CACNA2D1: variants seen among roughly 807,000 people sequenced by gnomAD.
CACNA2D1 encodes voltage-dependent calcium channel subunit alpha-2/delta-1.
In CACNA2D1, 53 loss-of-function variants were observed where a neutral mutation model predicts 171.5. The ratio of observed to expected loss-of-function variants is 0.31; its 90% CI spans 0.25 to 0.39. CACNA2D1 has a LOEUF of 0.39. Among genes scored for constraint, CACNA2D1 ranks in the 10% least tolerant of loss-of-function variants. The pLI, the probability that CACNA2D1 is intolerant of heterozygous loss-of-function variation, is 1.00. For synonymous variants in CACNA2D1, 442 were observed against 443.1 expected (o/e 1.00, Z 0.03); for missense variants, 903 against 1,299.8 (o/e 0.69, Z 4.69).
At chr7:81,960,854 C>A (rs1288681140) in intron 36 of CACNA2D1, among the ~76,000 whole-genome samples, 1 of 152,028 alleles carries the variant, frequency 6.6e-6, no homozygotes, top group Non-Finnish European at 1.5e-5. Context: ...ATGCTAATCT[C>A]CTCTAAACAA....
At chr7:82,422,978 T>G (rs1828853926) in intron 1 of CACNA2D1, among the ~76,000 whole-genome samples, 1 of 152,122 alleles carries the variant, frequency 6.6e-6, no homozygotes, top group African/African-American at 2.4e-5. Context: ...GCTCTGCAAT[T>G]CTCACTATTT....
intron 12 of CACNA2D1, among the ~76,000 whole-genome samples, chr7:82,025,026 C>G (rs1393078158): frequency 1.3e-5 from 2 of 151,592 alleles, no homozygotes; most frequent in Non-Finnish European, 3.0e-5. Context: ...TAGTGCCCTA[C>G]TGTTTTGATT....
At chr7:82,405,994 C>T (rs1826992023) in intron 1 of CACNA2D1, among the ~76,000 whole-genome samples, 1 of 152,044 alleles carries the variant, frequency 6.6e-6, no homozygotes, top group Admixed American at 6.6e-5. Context: ...CACCCATTAA[C>T]TCGTCATTTA....
chr7:82,349,503 A>G, intron 2 of CACNA2D1, 65 bp downstream of exon 2: 1 of 1,235,140 alleles, frequency 8.1e-7, no homozygotes, highest in East Asian at 2.3e-5. Context: ...ACAGTTTCCT[A>G]GAAGATAGAA....
At chr7:82,433,153 A>G (rs1184230621) in intron 1 of CACNA2D1, among the ~76,000 whole-genome samples, 3 of 151,656 alleles carry the variant, frequency 2.0e-5, no homozygotes, top group Non-Finnish European at 4.4e-5. Context: ...ACACCACTGC[A>G]CTCCAGCCTG....
chr7:82,253,636 C>T (rs180901147), intron 3 of CACNA2D1, among the ~76,000 whole-genome samples: 397 of 152,258 alleles, frequency 2.6e-3, no homozygotes, highest in South Asian at 0.015. Context: ...TGTTAATGAT[C>T]TTTCATGTTA....
intron 1 of CACNA2D1, among the ~76,000 whole-genome samples, chr7:82,409,620 T>TC (rs1326482220): frequency 1.3e-5 from 2 of 152,176 alleles, no homozygotes; most frequent in Non-Finnish European, 2.9e-5. Context: ...TTTTTTAAAT[T>TC]CCCCAGGCGA....
At position 81,973,210 on chromosome 7, in the gene CACNA2D1, C is replaced by G. The variant is rs1170729767; in HGVS notation, c.2053+1245G>C. Among the ~76,000 whole-genome samples the G allele has an allele frequency of 3.9e-5, 6 of 152,040 alleles. No homozygotes were observed. In the East Asian group the frequency reaches 5.8e-4, roughly 15 times the overall value. ...CATTCAACAATCTTATTACAGTTCT[C>G]TCTTGGAAATGCCTAGTACTCATTA... On this transcript the variant is annotated intron_variant, in intron 25 of 38. Transcript: ENST00000356860.
At chr7:82,442,320 T>C (rs554027814) in intron 1 of CACNA2D1, among the ~76,000 whole-genome samples, 1 of 152,326 alleles carries the variant, frequency 6.6e-6, no homozygotes. Context: ...AAAGCTACCT[T>C]GGGCTTTGTT....
At chr7:82,029,602 A>G (rs1331492814) in intron 12 of CACNA2D1, 2 of 151,776 alleles carry the variant, frequency 1.3e-5, no homozygotes, top group East Asian at 3.9e-4. Flanking sequence ...CTTCTCAACC[A>G]TCTGTTGGCT....
At chr7:82,373,799 TA>T (rs1007157339) in intron 1 of CACNA2D1, among the ~76,000 whole-genome samples, 1 of 152,234 alleles carries the variant, frequency 6.6e-6, no homozygotes, top group African/African-American at 2.4e-5. Flanking sequence ...ATTTACAGAA[TA>T]AATCTATGCA....
intron 3 of CACNA2D1, among the ~76,000 whole-genome samples, chr7:82,195,284 T>C (rs569394095): frequency 6.6e-6 from 1 of 152,024 alleles, no homozygotes; most frequent in Non-Finnish European, 1.5e-5. Context: ...TGGTGTGCCG[T>C]AGAACACATA....
At chr7:82,383,124 C>T (rs1194825926) in intron 1 of CACNA2D1, among the ~76,000 whole-genome samples, 3 of 152,012 alleles carry the variant, frequency 2.0e-5, no homozygotes, top group South Asian at 2.1e-4. Context: ...ACACATTTGC[C>T]GTTTAGAACA....
At chr7:82,272,008 C>T (rs1808701444) in intron 3 of CACNA2D1, among the ~76,000 whole-genome samples, 1 of 151,598 alleles carries the variant, frequency 6.6e-6, no homozygotes, top group African/African-American at 2.4e-5. Context: ...GCAATCTAAA[C>T]ATTACTAAAA....
At chr7:82,332,526 G>GA (rs761790787) in intron 3 of CACNA2D1, among the ~76,000 whole-genome samples, 1 of 51,202 alleles carries the variant, frequency 2.0e-5, no homozygotes, top group Non-Finnish European at 5.4e-5. Flanking sequence ...AAGAAAGAAA[G>GA]AAAGAAAGAA....
intron 1 of CACNA2D1, among the ~76,000 whole-genome samples, chr7:82,399,441 A>G (rs998397799): frequency 2.7e-5 from 4 of 150,622 alleles, no homozygotes; most frequent in Non-Finnish European, 5.9e-5. Context: ...CTCCATCTCA[A>G]AAAAAAAAAC....
At chr7:82,300,751 T>G (rs1205070803) in intron 3 of CACNA2D1, among the ~76,000 whole-genome samples, 1 of 151,930 alleles carries the variant, frequency 6.6e-6, no homozygotes, top group Non-Finnish European at 1.5e-5. Flanking sequence ...TCCACAAATC[T>G]GTCTTCTATA....
At chr7:82,287,839 C>CT (rs529813781) in intron 3 of CACNA2D1, among the ~76,000 whole-genome samples, 3 of 143,164 alleles carry the variant, frequency 2.1e-5, no homozygotes, top group African/African-American at 5.5e-5. Context: ...TATCTCCTTA[C>CT]TTTTTTTTGT....
chr7:82,111,428 G>GTGTATATATA (rs1413914216), intron 6 of CACNA2D1, among the ~76,000 whole-genome samples: 1 of 50,402 alleles, frequency 2.0e-5, no homozygotes, highest in African/African-American at 9.5e-5. Context: ...ATATATGTGT[G>GTGTATATATA]TATATATATA....
Sources: allele counts gnomAD v4.1 joint callset (sites outside exome capture counted in the v4.1 genomes callset), GRCh38; gene constraint gnomAD v4.1.1; transcripts MANE v1.5; gene names NCBI Gene and HGNC (gene_info 2026-07-23, HGNC 2026-07-21).